TCF4: variants seen among roughly 807,000 people sequenced by gnomAD.
TCF4 encodes transcription factor 4, also known as SL3-3 enhancer factor 2.
TCF4 carries 3 observed loss-of-function variants against 82.1 expected under a neutral mutation model. The ratio of observed to expected loss-of-function variants is 0.04; its 90% confidence interval spans 0.02 to 0.09. The LOEUF (loss-of-function observed/expected upper bound fraction) is 0.09, where lower values mean the gene tolerates loss of function less well. Ranked by LOEUF, TCF4 falls within the 10% of genes least tolerant of loss-of-function variation. The probability of loss-of-function intolerance (pLI) is 1.00; values close to 1 mark genes in which losing one functional copy is unlikely to be tolerated. For synonymous variants in TCF4, 276 were observed against 309.6 expected, an observed-to-expected ratio of 0.89 and a Z score of 1.14; for missense variants, 518 against 852.7, an observed-to-expected ratio of 0.61 and a Z score of 4.89.
chr18:55,501,094 T>G (rs901104380), intron 3 of TCF4, among the ~76,000 whole-genome samples: 1 of 152,198 alleles, frequency 6.6e-6, no homozygotes. Context: ...ATTTTTATAT[T>G]TCATTTATCC....
At chr18:55,574,159 T>C (rs1016523270) in intron 3 of TCF4, among the ~76,000 whole-genome samples, 2 of 152,134 alleles carry the variant, frequency 1.3e-5, no homozygotes, top group Admixed American at 1.3e-4. Flanking sequence ...AAGGGCCAAT[T>C]TCCATAAGCA....
At chr18:55,544,984 T>C (rs2097193803) in intron 3 of TCF4, among the ~76,000 whole-genome samples, 4 of 152,146 alleles carry the variant, frequency 2.6e-5, no homozygotes, top group Non-Finnish European at 4.4e-5. Flanking sequence ...TTACGAACAA[T>C]TGTGCATGTG....
chr18:55,527,436 A>G (rs1311773660), intron 3 of TCF4, among the ~76,000 whole-genome samples: 2 of 152,226 alleles, frequency 1.3e-5, no homozygotes, highest in African/African-American at 4.8e-5. Context: ...ACGTTTCTCA[A>G]TGAATAGGAA....
intron 8 of TCF4, among the ~76,000 whole-genome samples, chr18:55,343,457 C>A (rs1569101703): frequency 1.3e-5 from 2 of 152,106 alleles, no homozygotes; most frequent in Admixed American, 6.6e-5. Context: ...CCTCAGATGA[C>A]AAAGTCAGAC....
intron 3 of TCF4, among the ~76,000 whole-genome samples, chr18:55,473,522 C>CA (rs2145266756): frequency 6.6e-6 from 1 of 152,310 alleles, no homozygotes; most frequent in East Asian, 1.9e-4. Flanking sequence ...TTAAAATACT[C>CA]ACTCCCATAA....
intron 2 of TCF4, among the ~76,000 whole-genome samples, chr18:55,622,100 G>A (rs961936799): frequency 2.6e-4 from 36 of 139,232 alleles, no homozygotes; most frequent in African/African-American, 8.7e-4. Flanking sequence ...ATTATTTAAT[G>A]TCCAAAATGG....
At chr18:55,237,643 T>A (rs1390478746) in intron 15 of TCF4, among the ~76,000 whole-genome samples, 23 of 151,818 alleles carry the variant, frequency 1.5e-4, no homozygotes, top group Admixed American at 1.5e-3. Context: ...TAATTTGTCG[T>A]GATGTTTTAA....
At chr18:55,357,778 T>C (rs557390419) in intron 6 of TCF4, among the ~76,000 whole-genome samples, 8 of 152,306 alleles carry the variant, frequency 5.3e-5, no homozygotes, top group African/African-American at 1.9e-4. Context: ...ACCAGGGTCA[T>C]GTGGCCTACC....
At chr18:55,401,244 C>T in intron 6 of TCF4, 1 of 1,189,004 alleles carries the variant, frequency 8.4e-7, no homozygotes, top group Non-Finnish European at 1.1e-6. Context: ...TCCCTATTTT[C>T]CCTCTGTCAG....
At chr18:55,409,811 A>T (rs1006188144) in intron 5 of TCF4, among the ~76,000 whole-genome samples, 2 of 152,070 alleles carry the variant, frequency 1.3e-5, no homozygotes, top group African/African-American at 4.8e-5. Flanking sequence ...GTATAGCTTC[A>T]TTGTTCTGAC....
intron 3 of TCF4, among the ~76,000 whole-genome samples, chr18:55,554,178 A>G (rs1002728965): frequency 1.3e-5 from 2 of 152,144 alleles, no homozygotes; most frequent in Non-Finnish European, 2.9e-5. Flanking sequence ...TATAAACATT[A>G]TATATTAGAC....
chr18:55,279,431 C>A (rs1358628238), intron 9 of TCF4, 120 bp downstream of exon 9: 1 of 1,445,066 alleles, frequency 6.9e-7, no homozygotes, highest in African/African-American at 1.4e-5. Context: ...CTAAGAAGAG[C>A]ATGACTTCAA....
intron 5 of TCF4, among the ~76,000 whole-genome samples, chr18:55,411,027 G>T (rs546802812): frequency 6.6e-6 from 1 of 152,222 alleles, no homozygotes; most frequent in East Asian, 1.9e-4. Flanking sequence ...TTTTATGCTT[G>T]ATTTTCCGAA....
intron 15 of TCF4, among the ~76,000 whole-genome samples, chr18:55,247,761 T>C (rs557224849): frequency 3.3e-5 from 5 of 152,318 alleles, no homozygotes; most frequent in African/African-American, 1.2e-4. Flanking sequence ...GATAGTGATG[T>C]TTCGTCTAGA....
chr18:55,479,018 A>G (rs955252162), intron 3 of TCF4, among the ~76,000 whole-genome samples: 1 of 151,764 alleles, frequency 6.6e-6, no homozygotes, highest in African/African-American at 2.4e-5. Flanking sequence ...ACTTCCCACC[A>G]TTTCTTTACC....
At chr18:55,283,554 C>T (rs1490634349) in intron 8 of TCF4, among the ~76,000 whole-genome samples, 1 of 152,154 alleles carries the variant, frequency 6.6e-6, no homozygotes, top group Non-Finnish European at 1.5e-5. Flanking sequence ...AATGATCACA[C>T]AAGGTGGATA....
intron 3 of TCF4, chr18:55,551,176 C>G (rs1467899940): frequency 6.6e-6 from 1 of 152,260 alleles, no homozygotes; most frequent in Non-Finnish European, 1.5e-5. Context: ...AACTCCTGGC[C>G]TCAAGTGATC....
At chr18:55,404,154 G>A in intron 5 of TCF4, 5 of 491,330 alleles carry the variant, frequency 1.0e-5, no homozygotes, top group African/African-American at 2.1e-5. Context: ...CAGGACAAGG[G>A]ATCATGGAAT....
intron 8 of TCF4, among the ~76,000 whole-genome samples, chr18:55,349,778 T>C (rs1329766151): frequency 6.6e-6 from 1 of 152,242 alleles, no homozygotes; most frequent in Non-Finnish European, 1.5e-5. Context: ...CAGCAACTTC[T>C]GCATAGAGCT....
Sources: gnomAD v4.1 joint callset for allele counts (sites outside exome capture counted in the v4.1 genomes callset) on GRCh38, gnomAD v4.1.1 for gene constraint, MANE v1.5 for transcripts, NCBI Gene and HGNC (gene_info 2026-07-23, HGNC 2026-07-21) for gene names.